Variants in RUNX1 observed in about 807,000 individuals in gnomAD.
RUNX1 encodes RUNX family transcription factor 1, also known as runt-related transcription factor 1.
In RUNX1, 19 loss-of-function variants were observed where a neutral mutation model predicts 42.8. The observed-to-expected ratio is 0.44, with a 90% confidence interval of 0.31 to 0.65. The LOEUF (loss-of-function observed/expected upper bound fraction) is 0.65, where lower values mean the gene tolerates loss of function less well. Among genes scored for constraint, RUNX1 ranks in the 30% least tolerant of loss-of-function variants. The pLI, the probability that RUNX1 is intolerant of heterozygous loss-of-function variation, is 0.07. For missense variants in RUNX1, 528 were observed against 672.0 expected (o/e 0.79, Z 2.37); for synonymous variants, 271 against 289.4 (o/e 0.94, Z 0.64).
intron 7 of RUNX1, among the ~76,000 whole-genome samples, chr21:34,818,927 C>T (rs1051967620): frequency 2.0e-4 from 30 of 152,150 alleles, no homozygotes; most frequent in African/African-American, 7.2e-4. Context: ...CTGCTCAGGA[C>T]GGTTCACATT....
At chr21:35,018,969 G>A (rs929664651) in intron 2 of RUNX1, among the ~76,000 whole-genome samples, 2 of 152,180 alleles carry the variant, frequency 1.3e-5, no homozygotes, top group Non-Finnish European at 2.9e-5. Context: ...TTAGTTGTTC[G>A]AACAAAGGCA....
intron 8 of RUNX1, among the ~76,000 whole-genome samples, chr21:34,798,409 C>G (rs1167344752): frequency 6.6e-6 from 1 of 152,222 alleles, no homozygotes; most frequent in Non-Finnish European, 1.5e-5. Context: ...CCAAAGGGCT[C>G]ATAGGTTAAA....
chr21:34,957,974 T>C (rs2058656729), intron 2 of RUNX1, among the ~76,000 whole-genome samples: 1 of 152,220 alleles, frequency 6.6e-6, no homozygotes. Context: ...GGTTTGTTTG[T>C]ACAAGTCTCC....
intron 2 of RUNX1, among the ~76,000 whole-genome samples, chr21:34,993,780 CACACACACACAG>C (rs1170379627): frequency 4.3e-4 from 59 of 135,702 alleles, no homozygotes; most frequent in Admixed American, 1.2e-3. Context: ...CACACACAGA[CACACACACACAG>C]ACACACACAC....
At chr21:34,853,948 G>A (rs1176510376) in intron 6 of RUNX1, among the ~76,000 whole-genome samples, 1 of 151,972 alleles carries the variant, frequency 6.6e-6, no homozygotes, top group Non-Finnish European at 1.5e-5. Flanking sequence ...GAGGAGCTGG[G>A]ACTACAGGCG....
At chr21:34,997,018 C>A (rs533813216) in intron 2 of RUNX1, among the ~76,000 whole-genome samples, 72 of 152,268 alleles carry the variant, frequency 4.7e-4, no homozygotes, top group African/African-American at 1.7e-3. Flanking sequence ...TAAAAAAATT[C>A]CCTTAGCCAA....
chr21:34,972,506 T>C (rs2058770383), intron 2 of RUNX1, among the ~76,000 whole-genome samples: 1 of 152,156 alleles, frequency 6.6e-6, no homozygotes, highest in Non-Finnish European at 1.5e-5. Flanking sequence ...TCCTAAAAAG[T>C]ATGGATAAAT....
rs370408733 is a variant in RUNX1, at chr21:34,844,140, A to G, written c.614-9539T>C. On this transcript the variant is annotated intron_variant, in intron 6 of 8. Transcript: ENST00000675419. ...CCAGAGAGTGGTAACCACCAGTGACATGGATTTGTTGATCAGAGTAGCTCC... is the reference window on the plus strand; with the variant it reads ...CCAGAGAGTGGTAACCACCAGTGACGTGGATTTGTTGATCAGAGTAGCTCC... 7.2e-5 allele frequency among the ~76,000 whole-genome samples: 11 copies of G among 152,354 alleles called. No homozygotes were observed. In the South Asian group the frequency reaches 1.4e-3, roughly 20 times the overall value.
At chr21:34,823,145 C>A (rs558348032) in intron 7 of RUNX1, among the ~76,000 whole-genome samples, 1 of 152,200 alleles carries the variant, frequency 6.6e-6, no homozygotes, top group African/African-American at 2.4e-5. Context: ...CCGTCCCAGA[C>A]GGGTGAGCTC....
intron 7 of RUNX1, among the ~76,000 whole-genome samples, chr21:34,812,342 A>T (rs2056768852): frequency 6.6e-6 from 1 of 152,212 alleles, no homozygotes; most frequent in Admixed American, 6.5e-5. Context: ...ATGTGAACTA[A>T]TTGGGATTGC....
In RUNX1 at chr21:34,867,177, A is replaced by G. The variant is rs564564124; in HGVS notation, c.509-7599T>C. 2.7e-3 allele frequency among the ~76,000 whole-genome samples: 414 copies of G among 152,262 alleles called. 4 individuals carry two copies. Among genetic ancestry groups the G allele is most frequent in the Non-Finnish European group, 4.0e-3 (272 of 68,004 alleles). ...TTTGGGAGGCCAAGACGGGAGGATC[A>G]CTAGAGCTCAGGAGTTCAAGACCAG... On this transcript the variant is annotated intron_variant, in intron 5 of 8. Transcript: ENST00000675419.
chr21:34,846,858 T>G (rs946666648), intron 6 of RUNX1, among the ~76,000 whole-genome samples: 4 of 152,202 alleles, frequency 2.6e-5, no homozygotes, highest in Admixed American at 6.5e-5. Context: ...CGGCAGCATG[T>G]CAGCAAATGA....
intron 2 of RUNX1, among the ~76,000 whole-genome samples, chr21:34,930,333 A>C (rs2058433968): frequency 6.7e-6 from 1 of 148,862 alleles, no homozygotes; most frequent in Non-Finnish European, 1.5e-5. Flanking sequence ...TAGCCATTGA[A>C]TAGTATGAAC....
chr21:35,022,271 G>A (rs544376418), intron 2 of RUNX1, among the ~76,000 whole-genome samples: 2 of 152,310 alleles, frequency 1.3e-5, no homozygotes, highest in East Asian at 3.9e-4. Context: ...TGCAGGCAAG[G>A]GCATGTTGAG....
intron 6 of RUNX1, among the ~76,000 whole-genome samples, chr21:34,835,485 T>A (rs1486794456): frequency 6.6e-6 from 1 of 152,046 alleles, no homozygotes; most frequent in Non-Finnish European, 1.5e-5. Context: ...CTCATCATGC[T>A]CTTCACCAAA....
intron 2 of RUNX1, among the ~76,000 whole-genome samples, chr21:34,974,781 CTTGT>C (rs1470144675): frequency 2.0e-5 from 3 of 152,140 alleles, no homozygotes; most frequent in African/African-American, 4.8e-5. Context: ...CTATTTTGCT[CTTGT>C]TTATTTTAAC....
In RUNX1 at chr21:34,896,290, C is replaced by T. The variant is rs531880833; in HGVS notation, c.59-3327G>A. On this transcript the variant is annotated intron_variant, in intron 2 of 8. Transcript: ENST00000675419. ...GTTTCCAGTGAGAAGAGACCATTCT[C>T]AGGTTCTGGGATTATCAACATTCCA... 4.1e-4 allele frequency among the ~76,000 whole-genome samples: 62 copies of T among 152,246 alleles called. No individual in the cohort carries two copies. In the Middle Eastern group the frequency reaches 0.01, roughly 25 times the overall value.
chr21:34,890,238 G>T (rs111226090), intron 3 of RUNX1, among the ~76,000 whole-genome samples: 4,795 of 151,980 alleles, frequency 0.032, 171 homozygotes, highest in East Asian at 0.095. Context: ...CCTGGACGCC[G>T]CGCGCAGTCC....
chr21:34,976,286 C>T (rs1447895634), intron 2 of RUNX1, among the ~76,000 whole-genome samples: 2 of 152,240 alleles, frequency 1.3e-5, no homozygotes, highest in East Asian at 1.9e-4. Context: ...TCATCAACTG[C>T]CTTTCCCAAA....
Sources: gnomAD v4.1 joint callset for allele counts (sites outside exome capture counted in the v4.1 genomes callset) on GRCh38, gnomAD v4.1.1 for gene constraint, MANE v1.5 for transcripts, NCBI Gene and HGNC (gene_info 2026-07-23, HGNC 2026-07-21) for gene names.